PCLO: variants seen among roughly 807,000 people sequenced by gnomAD.
PCLO encodes protein piccolo.
In PCLO, 82 loss-of-function variants were observed where a neutral mutation model predicts 427.5. The ratio of observed to expected loss-of-function variants is 0.19; its 90% confidence interval spans 0.16 to 0.23. The LOEUF is 0.23. Ranked by LOEUF, PCLO falls within the 10% of genes least tolerant of loss-of-function variation. PCLO has a pLI of 1.00. For missense variants in PCLO, 6,239 were observed against 6,115.9 expected, an observed-to-expected ratio of 1.02 and a Z score of -0.67; for synonymous variants, 2,357 against 2,155.4, an observed-to-expected ratio of 1.09 and a Z score of -2.59.
At chr7:82,893,125 T>C (rs1793811610) in intron 9 of PCLO, among the ~76,000 whole-genome samples, 1 of 152,058 alleles carries the variant, frequency 6.6e-6, no homozygotes. Context: ...CATGCACACG[T>C]ATGGTTATTG....
At position 82,951,465 on chromosome 7, in the gene PCLO, C is replaced by A; in HGVS notation, c.9123G>T (p.Lys3041Asn). 6.3e-7 allele frequency: 1 copy of A among 1,576,992 alleles called. No individual in the cohort carries two copies. The highest frequency in any genetic ancestry group is 8.6e-7 in the Non-Finnish European group (1 of 1,159,794). Residue 3041 changes from lysine (K) to asparagine (N), a missense_variant, in exon 6 of 25, where the codon AAG becomes AAT. This residue lies in a region of PCLO where 4,677 missense variants were observed against 4,468.4 expected (regional missense o/e 1.05). Coordinates refer to ENST00000333891, the MANE Select transcript of PCLO (RefSeq NM_033026.6). ...GTGTTTCTGGATATGGACCTGTAGT[C>A]TTGCTTGAATAATCCATTACCTCAC... ...TTGEVMDYSS[K>N]TTGPYPETRQ...
intron 3 of PCLO, among the ~76,000 whole-genome samples, chr7:83,059,283 G>A (rs1431832331): frequency 2.9e-5 from 4 of 138,270 alleles, no homozygotes; most frequent in Non-Finnish European, 6.1e-5. Flanking sequence ...TCTCTTAGGT[G>A]TATAAAATCA....
rs1289389238 is a variant in PCLO at position 82,812,375 on chromosome 7, G to C, written c.14792-6546C>G. 2.0e-5 allele frequency among the ~76,000 whole-genome samples: 3 copies of C among 151,458 alleles called. No individual in the cohort carries two copies. In the East Asian group the frequency reaches 5.8e-4, roughly 29 times the overall value. On this transcript the variant is annotated intron_variant, in intron 20 of 24. Coordinates refer to ENST00000333891, the MANE Select transcript of PCLO (RefSeq NM_033026.6). ...ACATGAAAAAATACATGTTGGCTCC[G>C]TATACTATAATCCTTGCTTTTAAAA...
intron 24 of PCLO, among the ~76,000 whole-genome samples, chr7:82,759,840 T>C (rs367950574): frequency 1.3e-5 from 2 of 152,104 alleles, no homozygotes; most frequent in African/African-American, 4.8e-5. Flanking sequence ...GCAATGAAAA[T>C]TAGTCCTTGC....
At chr7:83,044,870 T>C (rs938323556) in intron 3 of PCLO, among the ~76,000 whole-genome samples, 4 of 152,150 alleles carry the variant, frequency 2.6e-5, no homozygotes, top group Admixed American at 2.0e-4. Flanking sequence ...GTTATTTGGC[T>C]TACTGGAAGT....
chr7:82,827,983 GA>G lies in PCLO; in HGVS notation c.14250-18del, dbSNP rs748798680. On this transcript the variant is annotated intron_variant, in intron 16 of 24. Coordinates refer to ENST00000333891, the MANE Select transcript of PCLO (RefSeq NM_033026.6). ...TACTCAGCACTGAATTGGGAGAAAA[GA>G]AAGAGTTATCTTGATTATTCACCTT... is the stretch of plus-strand genomic sequence containing the variant. The G allele has an allele frequency of 3.6e-5, 51 of 1,423,220 alleles. No individual in the cohort carries two copies. The highest frequency in any genetic ancestry group is 4.9e-5 in the Non-Finnish European group (50 of 1,010,938). 88.2% of individuals were successfully genotyped at this position (1,423,220 alleles called of 1,614,324 possible). A position where few individuals can be genotyped will look rare whatever the true frequency, so the allele number is the denominator to read the frequency against.
At chr7:82,776,798 C>CT (rs1048703717) in intron 22 of PCLO, among the ~76,000 whole-genome samples, 2 of 145,678 alleles carry the variant, frequency 1.4e-5, no homozygotes, top group African/African-American at 5.2e-5. Flanking sequence ...CCATCTCTCT[C>CT]TTTCTCTCTC....
intron 3 of PCLO, among the ~76,000 whole-genome samples, chr7:83,131,229 C>T (rs191751338): frequency 3.4e-4 from 52 of 152,130 alleles, no homozygotes; most frequent in Non-Finnish European, 5.7e-4. Flanking sequence ...CAGAGGTTAA[C>T]GGATCATATT....
intron 3 of PCLO, among the ~76,000 whole-genome samples, chr7:83,039,858 A>C (rs1788928639): frequency 6.6e-6 from 1 of 152,118 alleles, no homozygotes; most frequent in African/African-American, 2.4e-5. Context: ...AATGTTTTGT[A>C]GTTTTCAGAG....
intron 22 of PCLO, among the ~76,000 whole-genome samples, chr7:82,793,823 A>G (rs906557971): frequency 6.6e-6 from 1 of 152,066 alleles, no homozygotes; most frequent in African/African-American, 2.4e-5. Flanking sequence ...TGGATTCACA[A>G]AGTATTGTGT....
intron 9 of PCLO, among the ~76,000 whole-genome samples, chr7:82,888,847 A>G (rs1184459498): frequency 2.0e-5 from 3 of 152,140 alleles, no homozygotes; most frequent in African/African-American, 4.8e-5. Context: ...AAAGGAAAGA[A>G]ACAGAGCTAA....
At chr7:83,130,154 G>GTTA (rs1239701559) in intron 3 of PCLO, among the ~76,000 whole-genome samples, 1 of 152,002 alleles carries the variant, frequency 6.6e-6, no homozygotes, top group African/African-American at 2.4e-5. Flanking sequence ...TGTTGTTGTT[G>GTTA]TTGTTGTTAT....
At chr7:82,852,149 T>C (rs1489762739) in intron 10 of PCLO, among the ~76,000 whole-genome samples, 1 of 152,086 alleles carries the variant, frequency 6.6e-6, no homozygotes, top group Non-Finnish European at 1.5e-5. Context: ...AACAAGGAGA[T>C]ACACTCAGTC....
At chr7:83,147,332 T>C (rs929327803) in intron 2 of PCLO, among the ~76,000 whole-genome samples, 1 of 152,200 alleles carries the variant, frequency 6.6e-6, no homozygotes, top group African/African-American at 2.4e-5. Context: ...TAAAGGTAAA[T>C]TCATTTTGTT....
intron 10 of PCLO, among the ~76,000 whole-genome samples, chr7:82,858,662 G>A (rs1792871530): frequency 6.6e-6 from 1 of 152,042 alleles, no homozygotes; most frequent in South Asian, 2.1e-4. Flanking sequence ...CTTATACTAT[G>A]CACTTCTAAA....
Position 82,953,599 on chromosome 7 carries a change from C to T in PCLO, c.7354G>A (p.Ala2452Thr). ...GTAACAGCATCAAACAGAGGTGTAGCTGTAGTCACTGGAGATGCAACTGTT... is the reference window on the plus strand; with the variant it reads ...GTAACAGCATCAAACAGAGGTGTAGTTGTAGTCACTGGAGATGCAACTGTT... ...KLTVASPVTT[A>T]TPLFDAVTTL... is the part of the protein sequence containing the mutation. Residue 2452 changes from alanine to threonine, a missense_variant, in exon 5 of 25, where the codon GCT becomes ACT. Ala to Thr is a moderately conservative substitution (Grantham distance 58). Around this residue, in one of 5 missense-constraint regions of PCLO, gnomAD observed 4,677 missense variants for 4,468.4 expected, o/e 1.05. Coordinates refer to ENST00000333891, the MANE Select transcript of PCLO (RefSeq NM_033026.6). The T allele has an allele frequency of 6.2e-7, 1 of 1,612,324 alleles. No individual in the cohort carries two copies. Among genetic ancestry groups the T allele is most frequent in the Non-Finnish European group, 8.5e-7 (1 of 1,179,420 alleles).
At chr7:83,131,343 C>G (rs1454569241) in intron 3 of PCLO, among the ~76,000 whole-genome samples, 1 of 152,070 alleles carries the variant, frequency 6.6e-6, no homozygotes, top group African/African-American at 2.4e-5. Flanking sequence ...TCCTCAGGTA[C>G]AGTGGGAGGT....
Position 83,065,433 on chromosome 7 carries a change from G to GT in PCLO, c.3300+68816dup, listed in dbSNP as rs200767521. 5.3e-3 allele frequency among the ~76,000 whole-genome samples: 764 copies of GT among 144,434 alleles called. 4 individuals carry two copies. Among genetic ancestry groups the GT allele is most frequent in the African/African-American group, 0.012 (483 of 39,462 alleles). 94.8% of individuals were successfully genotyped at this position (144,434 alleles called of 152,430 possible). A position where few individuals can be genotyped will look rare whatever the true frequency, so the allele number is the denominator to read the frequency against. The stretch of plus-strand genomic sequence containing the variant: ...ACTAAACATACAATTTTGTGGGGGA[G>GT]TTTTTTTTTCCATTTGGTTTGAGTG... On this transcript the variant is annotated intron_variant, in intron 3 of 24. Transcript: ENST00000333891.
intron 10 of PCLO, among the ~76,000 whole-genome samples, chr7:82,858,674 A>G (rs963308883): frequency 2.6e-5 from 4 of 152,154 alleles, no homozygotes; most frequent in Admixed American, 6.5e-5. Context: ...ACTTCTAAAC[A>G]CTGACAAACT....
Sources: gnomAD v4.1 joint callset for allele counts (sites outside exome capture counted in the v4.1 genomes callset) on GRCh38, gnomAD v4.1.1 for gene constraint, gnomAD v4.1.1 regional missense constraint, MANE v1.5 for transcripts, NCBI Gene and HGNC (gene_info 2026-07-23, HGNC 2026-07-21) for gene names.